Variants in HOMER1 observed in about 807,000 individuals in gnomAD.
HOMER1 encodes the protein homer protein homolog 1.
HOMER1 carries 3 observed loss-of-function variants against 48.9 expected under a neutral mutation model. The ratio of observed to expected loss-of-function variants is 0.06; its 90% CI spans 0.03 to 0.16. The LOEUF (loss-of-function observed/expected upper bound fraction) is 0.16, where lower values mean the gene tolerates loss of function less well. Ranked by LOEUF, HOMER1 falls within the 10% of genes least tolerant of loss-of-function variation. The pLI is 1.00. For synonymous variants in HOMER1, 134 were observed against 146.4 expected (o/e 0.92, Z 0.61); for missense variants, 247 against 411.4 (o/e 0.60, Z 3.46).
Position 79,408,999 on chromosome 5 carries a change from T to C in HOMER1, c.528-6944A>G, listed in dbSNP as rs113378305. Among the ~76,000 whole-genome samples, 789 of 148,022 alleles carry C rather than the reference T, an allele frequency of 5.3e-3. 11 individuals are homozygous for C. The highest frequency in any genetic ancestry group is 0.019 in the African/African-American group (747 of 39,186). On this transcript the variant is annotated intron_variant, in intron 5 of 8. Coordinates refer to ENST00000334082, the MANE Select transcript of HOMER1 (RefSeq NM_004272.5). ...CAGGAGGCTGAGGCATGAGAACTGC[T>C]TGAACCTAGGAGGCAGAGGTTGCAG...
intron 5 of HOMER1, among the ~76,000 whole-genome samples, chr5:79,426,853 C>G (rs1354859514): frequency 6.6e-6 from 1 of 152,062 alleles, no homozygotes; most frequent in African/African-American, 2.4e-5. Flanking sequence ...AGATATTTGA[C>G]TACCCAGATT....
intron 8 of HOMER1, among the ~76,000 whole-genome samples, chr5:79,393,860 T>C (rs1749312428): frequency 6.6e-6 from 1 of 152,194 alleles, no homozygotes; most frequent in Middle Eastern, 3.2e-3. Context: ...GACATAAAGT[T>C]AGATAAAAAT....
At chr5:79,490,726 G>GT (rs756437063) in intron 1 of HOMER1, among the ~76,000 whole-genome samples, 2 of 145,714 alleles carry the variant, frequency 1.4e-5, no homozygotes, top group Non-Finnish European at 3.0e-5. Context: ...GAGGCCAGGA[G>GT]TTTGATTCCA....
intron 1 of HOMER1, among the ~76,000 whole-genome samples, chr5:79,472,305 T>A (rs10050765): frequency 0.21 from 31,214 of 152,006 alleles, 3,534 homozygotes; most frequent in East Asian, 0.32. Context: ...AGAAAAAAAA[T>A]TTTTTAAGCA....
chr5:79,467,301 G>A (rs1332901271), intron 1 of HOMER1, among the ~76,000 whole-genome samples: 1 of 144,266 alleles, frequency 6.9e-6, no homozygotes, highest in African/African-American at 2.6e-5. Context: ...TGAGGCAGGA[G>A]AATGGCTTGA....
chr5:79,472,025 T>C (rs1430948605), intron 1 of HOMER1, among the ~76,000 whole-genome samples: 1 of 152,198 alleles, frequency 6.6e-6, no homozygotes, highest in Admixed American at 6.5e-5. Flanking sequence ...TCCCCCATGG[T>C]ACTTATCACC....
At chr5:79,378,800 A>G (rs1748845130) in intron 8 of HOMER1, among the ~76,000 whole-genome samples, 1 of 152,012 alleles carries the variant, frequency 6.6e-6, no homozygotes, top group South Asian at 2.1e-4. Context: ...GCAATAGTCA[A>G]ACATTTTCAA....
intron 8 of HOMER1, among the ~76,000 whole-genome samples, chr5:79,393,567 A>C (rs1415344415): frequency 6.6e-6 from 1 of 152,234 alleles, no homozygotes; most frequent in East Asian, 1.9e-4. Flanking sequence ...AAGAGATGGC[A>C]AAGAACGGGT....
At chr5:79,417,724 AATTTG>A (rs138948211) in intron 5 of HOMER1, among the ~76,000 whole-genome samples, 83 of 152,292 alleles carry the variant, frequency 5.5e-4, no homozygotes, top group African/African-American at 1.9e-3. Context: ...GGCCTTCTAT[AATTTG>A]ATTTAACTTT....
chr5:79,402,197 G>A (rs569727650), intron 5 of HOMER1, 142 bp from the exon 6 acceptor site: 197 of 693,618 alleles, frequency 2.8e-4, no homozygotes, highest in Middle Eastern at 1.7e-3. Flanking sequence ...ATGGAGTCTC[G>A]CTCTGTTGCC....
In HOMER1 at chr5:79,439,138, G is replaced by T. The variant is rs376292792; in HGVS notation, c.399C>A (p.Gly133=). ...GTGTTAAAGGAGACTGAAGATCCCC[G>T]CCTGCGGATTCCTTTAAAAAAAGGG... ...LTSTPSQESA[G]GDLQSPLTPE... is the part of the protein sequence containing the mutation. The change falls in exon 5 of 9, where the codon GGC becomes GGA. Residue 133 remains glycine, a synonymous_variant. Transcript: ENST00000334082. 6.2e-7 allele frequency: 1 copy of T among 1,613,652 alleles called. No individual in the cohort carries two copies. Among genetic ancestry groups the T allele is most frequent in the Non-Finnish European group, 8.5e-7 (1 of 1,179,870 alleles).
intron 8 of HOMER1, among the ~76,000 whole-genome samples, chr5:79,381,475 A>G (rs1451867838): frequency 6.6e-6 from 1 of 152,244 alleles, no homozygotes; most frequent in East Asian, 1.9e-4. Context: ...CTTCCAAGGA[A>G]AAGAATAATT....
chr5:79,481,674 G>A (rs941590837), intron 1 of HOMER1, among the ~76,000 whole-genome samples: 13 of 152,194 alleles, frequency 8.5e-5, no homozygotes, highest in Admixed American at 7.9e-4. Context: ...CCACTAGGAA[G>A]AGCAAGTAGA....
intron 5 of HOMER1, among the ~76,000 whole-genome samples, chr5:79,431,506 G>C (rs985934716): frequency 1.3e-5 from 2 of 152,064 alleles, no homozygotes; most frequent in African/African-American, 4.8e-5. Flanking sequence ...ATGAGTACAG[G>C]GTTTTTTGGG....
intron 1 of HOMER1, among the ~76,000 whole-genome samples, chr5:79,505,457 GCA>G (rs1307242811): frequency 2.0e-5 from 3 of 152,030 alleles, no homozygotes. Flanking sequence ...TGTTCCCTAA[GCA>G]CAGTTTTTTG....
intron 8 of HOMER1, among the ~76,000 whole-genome samples, chr5:79,391,889 A>G (rs1317617933): frequency 1.3e-5 from 2 of 152,208 alleles, no homozygotes; most frequent in African/African-American, 4.8e-5. Context: ...GCACAGCATG[A>G]CAATGCATGA....
intron 5 of HOMER1, among the ~76,000 whole-genome samples, chr5:79,416,288 A>G (rs964587187): frequency 9.2e-5 from 14 of 152,232 alleles, no homozygotes; most frequent in African/African-American, 3.4e-4. Flanking sequence ...CCTCAGAATA[A>G]ATTTAGCAAG....
chr5:79,475,297 T>C (rs1016631544), intron 1 of HOMER1, among the ~76,000 whole-genome samples: 2 of 100,386 alleles, frequency 2.0e-5, no homozygotes, highest in Non-Finnish European at 4.1e-5. Context: ...CGTATCTTTA[T>C]CTTATACTGA....
chr5:79,421,280 A>T (rs1310241774), intron 5 of HOMER1, among the ~76,000 whole-genome samples: 1 of 152,234 alleles, frequency 6.6e-6, no homozygotes, highest in Non-Finnish European at 1.5e-5. Context: ...CCTTACATTC[A>T]AATCCGAAAA....
Sources: allele counts gnomAD v4.1 joint callset (sites outside exome capture counted in the v4.1 genomes callset), GRCh38; gene constraint gnomAD v4.1.1; transcripts MANE v1.5; gene names NCBI Gene and HGNC (gene_info 2026-07-23, HGNC 2026-07-21).